PTPRK: variants seen among roughly 807,000 people sequenced by gnomAD.
PTPRK encodes protein tyrosine phosphatase receptor type K, also known as receptor-type tyrosine-protein phosphatase kappa.
In PTPRK, 75 loss-of-function variants were observed where a neutral mutation model predicts 178.0. That is an observed-to-expected ratio of 0.42 (90% CI 0.35 to 0.51). The LOEUF is 0.51. Among genes scored for constraint, PTPRK ranks in the 20% least tolerant of loss-of-function variants. The pLI is 0.02. For synonymous variants in PTPRK, 637 were observed against 620.6 expected (o/e 1.03, Z -0.39); for missense variants, 1,441 against 1,797.8 (o/e 0.80, Z 3.59).
At chr6:128,214,006 T>C (rs1417372385) in intron 6 of PTPRK, among the ~76,000 whole-genome samples, 1 of 152,100 alleles carries the variant, frequency 6.6e-6, no homozygotes, top group African/African-American at 2.4e-5. Context: ...ATCCCCTACA[T>C]ATGCCAGGGT....
rs144326470 is a variant in PTPRK at position 128,305,897 on chromosome 6, G to A, written c.495+16142C>T. ...GATGGATGCTATAGGGAATGCATTA[G>A]TTTGTTCTAACACAGCTATGAAGAA... On this transcript the variant is annotated intron_variant, in intron 3 of 29. Transcript: ENST00000368226. Among the ~76,000 whole-genome samples, 52 of 152,332 alleles carry A rather than the reference G, an allele frequency of 3.4e-4. No homozygotes were observed. The East Asian group carries it at 9.8e-3, about 29-fold the overall frequency.
At chr6:128,359,799 C>T (rs1834482885) in intron 2 of PTPRK, among the ~76,000 whole-genome samples, 1 of 151,526 alleles carries the variant, frequency 6.6e-6, no homozygotes, top group Non-Finnish European at 1.5e-5. Context: ...AAAAATAATC[C>T]ATAACACATC....
intron 2 of PTPRK, among the ~76,000 whole-genome samples, chr6:128,371,475 T>C (rs1167778645): frequency 6.6e-6 from 1 of 152,196 alleles, no homozygotes. Context: ...AGTTCTACTA[T>C]TAGTTACTAT....
At chr6:128,147,364 A>G (rs2114539695) in intron 7 of PTPRK, among the ~76,000 whole-genome samples, 1 of 152,288 alleles carries the variant, frequency 6.6e-6, no homozygotes, top group East Asian at 1.9e-4. Context: ...CAGAAAAACT[A>G]TTAATCATCC....
intron 2 of PTPRK, among the ~76,000 whole-genome samples, chr6:128,376,579 A>G (rs1837104915): frequency 6.6e-6 from 1 of 152,176 alleles, no homozygotes; most frequent in Admixed American, 6.5e-5. Flanking sequence ...TGTCTTGGTG[A>G]TTAACATTCG....
chr6:128,131,445 G>A (rs1235398384), intron 7 of PTPRK, among the ~76,000 whole-genome samples: 1 of 152,152 alleles, frequency 6.6e-6, no homozygotes, highest in Non-Finnish European at 1.5e-5. Context: ...TGGGATGGTA[G>A]TGGTGGGGGA....
At chr6:128,487,311 T>A (rs1308940439) in intron 1 of PTPRK, among the ~76,000 whole-genome samples, 1 of 150,810 alleles carries the variant, frequency 6.6e-6, no homozygotes, top group Non-Finnish European at 1.5e-5. Context: ...GTGTTGGGCT[T>A]CAGAAAATGA....
chr6:128,301,802 T>G (rs1825656057), intron 3 of PTPRK, among the ~76,000 whole-genome samples: 1 of 152,218 alleles, frequency 6.6e-6, no homozygotes, highest in Non-Finnish European at 1.5e-5. Context: ...ATTTGATAAC[T>G]AGACTGCCTT....
At chr6:128,309,501 C>A (rs538912993) in intron 3 of PTPRK, among the ~76,000 whole-genome samples, 3 of 152,252 alleles carry the variant, frequency 2.0e-5, no homozygotes, top group South Asian at 4.1e-4. Context: ...GGACCCTACA[C>A]AAGGCAATGG....
At chr6:128,073,362 G>A (rs938802956) in intron 11 of PTPRK, among the ~76,000 whole-genome samples, 3 of 152,030 alleles carry the variant, frequency 2.0e-5, no homozygotes, top group Admixed American at 6.6e-5. Flanking sequence ...AAGTGCTCTA[G>A]AGAAAGATAA....
At chr6:128,214,048 T>C (rs1234757527) in intron 6 of PTPRK, among the ~76,000 whole-genome samples, 1 of 152,106 alleles carries the variant, frequency 6.6e-6, no homozygotes, top group Non-Finnish European at 1.5e-5. Flanking sequence ...AACTAAACAA[T>C]TTTATTTGTT....
At chr6:128,068,944 G>A (rs1782318498) in intron 11 of PTPRK, among the ~76,000 whole-genome samples, 1 of 151,554 alleles carries the variant, frequency 6.6e-6, no homozygotes, top group African/African-American at 2.4e-5. Context: ...GGGGAGTGGG[G>A]AGGAGAGGGG....
chr6:128,200,800 CAGAA>C (rs1017420940), intron 6 of PTPRK, among the ~76,000 whole-genome samples: 2 of 141,076 alleles, frequency 1.4e-5, no homozygotes, highest in East Asian at 2.1e-4. Context: ...GAAAAAAAGA[CAGAA>C]AGAGAGAGAG....
intron 2 of PTPRK, among the ~76,000 whole-genome samples, chr6:128,350,392 T>G (rs573574955): frequency 6.6e-6 from 1 of 152,258 alleles, no homozygotes; most frequent in Admixed American, 6.5e-5. Flanking sequence ...TTGTTAAAAT[T>G]CAAGAACAGG....
At chr6:128,189,227 CTCTTTT>C (rs1158404103) in intron 6 of PTPRK, among the ~76,000 whole-genome samples, 3 of 137,690 alleles carry the variant, frequency 2.2e-5, no homozygotes, top group Non-Finnish European at 4.6e-5. Flanking sequence ...TCATATTTTA[CTCTTTT>C]TCTTTTTTTT....
At chr6:128,133,394 T>A (rs1794552886) in intron 7 of PTPRK, among the ~76,000 whole-genome samples, 1 of 152,206 alleles carries the variant, frequency 6.6e-6, no homozygotes, top group Non-Finnish European at 1.5e-5. Context: ...GGAATCGGTA[T>A]TTCTCATTTT....
At chr6:128,276,034 T>G (rs971044155) in intron 3 of PTPRK, among the ~76,000 whole-genome samples, 1 of 152,014 alleles carries the variant, frequency 6.6e-6, no homozygotes, top group Non-Finnish European at 1.5e-5. Flanking sequence ...TTAAAAAAAA[T>G]TTTAAGTATG....
intron 13 of PTPRK, among the ~76,000 whole-genome samples, chr6:128,027,201 C>T (rs983728640): frequency 1.3e-5 from 2 of 152,104 alleles, no homozygotes; most frequent in East Asian, 3.9e-4. Flanking sequence ...AAAATACTTC[C>T]TCATTATTTC....
intron 13 of PTPRK, among the ~76,000 whole-genome samples, chr6:128,010,210 A>T (rs940173479): frequency 5.9e-5 from 9 of 151,284 alleles, no homozygotes; most frequent in Non-Finnish European, 8.9e-5. Flanking sequence ...AAATTTCTCA[A>T]TGTCTCCAGA....
Sources: gnomAD v4.1 joint callset for allele counts (sites outside exome capture counted in the v4.1 genomes callset) on GRCh38, gnomAD v4.1.1 for gene constraint, MANE v1.5 for transcripts, NCBI Gene and HGNC (gene_info 2026-07-23, HGNC 2026-07-21) for gene names.